ANK3: variants seen among roughly 807,000 people sequenced by gnomAD.
ANK3 encodes the protein ankyrin-3.
In ANK3, 57 loss-of-function variants were observed where a neutral mutation model predicts 370.9. The ratio of observed to expected loss-of-function variants is 0.15; its 90% CI spans 0.12 to 0.19. ANK3 has a LOEUF of 0.19. ANK3 is among the 10% of genes least tolerant of loss of function. ANK3 has a pLI of 1.00. For synonymous variants in ANK3, 1,929 were observed against 1,946.3 expected (o/e 0.99, Z 0.23); for missense variants, 4,439 against 5,302.1 (o/e 0.84, Z 5.06).
intron 7 of ANK3, among the ~76,000 whole-genome samples, chr10:60,249,272 G>A (rs988819267): frequency 2.0e-5 from 3 of 152,200 alleles, no homozygotes; most frequent in Non-Finnish European, 4.4e-5. Context: ...TTTAGAATAT[G>A]TTGATCTAAT....
At chr10:60,380,726 G>A (rs1225840083) in intron 1 of ANK3, among the ~76,000 whole-genome samples, 1 of 152,116 alleles carries the variant, frequency 6.6e-6, no homozygotes, top group Non-Finnish European at 1.5e-5. Flanking sequence ...AAAAATCACA[G>A]AGGGTCTATG....
rs751063814 is a variant in ANK3, at chr10:60,070,966, A to C, written c.9915T>G (p.Pro3305=). Residue 3305 remains proline, a synonymous_variant, in exon 37 of 44, where the codon CCT becomes CCG. Transcript: ENST00000280772. This position sits in a 1 kb window ranked among gnomAD's most constrained non-coding sequence, Gnocchi z 5.7. Reference sequence around the variant, plus strand: ...CGTCTGCCCCGGGAGGAACTGGTGAAGGTGGCTGCACTCTAATGACAGGTT... The same window carrying C: ...CGTCTGCCCCGGGAGGAACTGGTGACGGTGGCTGCACTCTAATGACAGGTT... ...LAEPVIRVQP[P]SPVPPGADVS... 6.8e-6 allele frequency: 11 copies of C among 1,614,022 alleles called. No individual in the cohort carries two copies. Among genetic ancestry groups the C allele is most frequent in the Non-Finnish European group, 6.8e-6 (8 of 1,180,028 alleles).
intron 7 of ANK3, among the ~76,000 whole-genome samples, chr10:60,250,515 C>A (rs1327431330): frequency 6.6e-6 from 1 of 152,150 alleles, no homozygotes; most frequent in Non-Finnish European, 1.5e-5. Flanking sequence ...CAGGTGCCTG[C>A]CACCACGCCC....
Position 60,614,667 on chromosome 10 carries a change from A to G in ANK3, c.96+519T>C, listed in dbSNP as rs151223123. 4.2e-3 allele frequency among the ~76,000 whole-genome samples: 644 copies of G among 152,360 alleles called. 5 individuals carry two copies. The highest frequency in any genetic ancestry group is 0.015 in the African/African-American group (604 of 41,582). ...GAATATCCTTCAAGGTTAGACAGAC[A>G]TATCAGGTTACCATAGCTAAAGCTC... is the stretch of plus-strand genomic sequence containing the variant. On this transcript the variant is annotated intron_variant, in intron 2 of 43. Coordinates refer to the ANK3 transcript ENST00000373827.
chr10:60,378,591 G>A (rs2061123922), intron 1 of ANK3, among the ~76,000 whole-genome samples: 1 of 152,042 alleles, frequency 6.6e-6, no homozygotes, highest in Non-Finnish European at 1.5e-5. Context: ...AACGCTCATT[G>A]GGGAAAGGAG....
At chr10:60,330,829 C>A (rs150026129) in intron 1 of ANK3, among the ~76,000 whole-genome samples, 2 of 152,070 alleles carry the variant, frequency 1.3e-5, no homozygotes, top group Non-Finnish European at 2.9e-5. Context: ...ATGTTTATTG[C>A]GGCACTGTTC....
chr10:60,034,508 G>A (rs572688514), intron 43 of ANK3, among the ~76,000 whole-genome samples: 1 of 152,296 alleles, frequency 6.6e-6, no homozygotes, highest in African/African-American at 2.4e-5. Context: ...ACTACAAATT[G>A]TTTTCCAACT....
At chr10:60,301,072 T>C (rs1290050194) in intron 1 of ANK3, among the ~76,000 whole-genome samples, 3 of 150,376 alleles carry the variant, frequency 2.0e-5, no homozygotes, top group Non-Finnish European at 1.5e-5. Flanking sequence ...GCCAAACTCA[T>C]GTGTATAACC....
intron 16 of ANK3, among the ~76,000 whole-genome samples, chr10:60,190,419 AAAAC>A (rs143933936): frequency 4.2e-4 from 64 of 152,304 alleles, no homozygotes; most frequent in African/African-American, 1.4e-3. Flanking sequence ...TTTCTTAGTG[AAAAC>A]AAACAAACAA....
At chr10:60,098,865 C>T (rs190398314) in intron 28 of ANK3, among the ~76,000 whole-genome samples, 16 of 152,140 alleles carry the variant, frequency 1.1e-4, no homozygotes, top group Middle Eastern at 6.8e-3. Context: ...TAGATTTGCA[C>T]GTGTAATAAG....
At chr10:60,386,821 G>A (rs2062408560) in intron 1 of ANK3, among the ~76,000 whole-genome samples, 2 of 152,030 alleles carry the variant, frequency 1.3e-5, no homozygotes, top group Admixed American at 1.3e-4. Flanking sequence ...TACTCTTTAG[G>A]ATTTTCCCAA....
chr10:60,174,725 A>G (rs1176611270), intron 18 of ANK3, among the ~76,000 whole-genome samples: 2 of 152,132 alleles, frequency 1.3e-5, no homozygotes, highest in Non-Finnish European at 2.9e-5. Context: ...AGGTATATAT[A>G]GTTGAGACAG....
intron 2 of ANK3, among the ~76,000 whole-genome samples, chr10:60,467,575 C>T (rs1420778380): frequency 6.6e-6 from 1 of 152,096 alleles, no homozygotes; most frequent in East Asian, 1.9e-4. Flanking sequence ...CAGGCTGGCA[C>T]TATTAATCTT....
intron 9 of ANK3, among the ~76,000 whole-genome samples, chr10:60,211,892 C>CAAAAAAAAAAAAAAAAAAAAGAA (rs2096860910): frequency 1.1e-5 from 1 of 93,400 alleles, no homozygotes; most frequent in African/African-American, 4.8e-5. Flanking sequence ...AATACAGAGC[C>CAAAAAAAAAAAAAAAAAAAAGAA]AAAAAAAAAA....
chr10:60,261,762 C>T (rs2097808658), intron 7 of ANK3, 97 bp downstream of exon 7: 21 of 1,046,666 alleles, frequency 2.0e-5, no homozygotes, highest in Non-Finnish European at 3.0e-5. Context: ...TGGAAGGACT[C>T]TTGGAGAAAA....
At chr10:60,032,194 C>CT (rs552219776) in intron 43 of ANK3, among the ~76,000 whole-genome samples, 4,676 of 42,870 alleles carry the variant, frequency 0.11, 1,264 homozygotes, top group South Asian at 0.17. Context: ...TACACAGCTT[C>CT]TTTTTTTTTT....
intron 1 of ANK3, among the ~76,000 whole-genome samples, chr10:60,327,654 G>A (rs767006456): frequency 6.6e-6 from 1 of 152,166 alleles, no homozygotes; most frequent in Non-Finnish European, 1.5e-5. Context: ...ACTAGTAGAC[G>A]TTCCTCACTC....
At chr10:60,430,251 T>A (rs1469624007) in intron 2 of ANK3, among the ~76,000 whole-genome samples, 1 of 152,206 alleles carries the variant, frequency 6.6e-6, no homozygotes, top group Non-Finnish European at 1.5e-5. Flanking sequence ...GAGGGAGAAC[T>A]GGAATGTTTA....
chr10:60,376,902 A>T (rs2060859910), intron 1 of ANK3, among the ~76,000 whole-genome samples: 1 of 152,236 alleles, frequency 6.6e-6, no homozygotes, highest in African/African-American at 2.4e-5. Flanking sequence ...GATGGAATAA[A>T]TGTGCATAAC....
Sources: allele counts gnomAD v4.1 joint callset (sites outside exome capture counted in the v4.1 genomes callset), GRCh38; gene constraint gnomAD v4.1.1; non-coding constraint Gnocchi (gnomAD v3.1); transcripts MANE v1.5; gene names NCBI Gene and HGNC (gene_info 2026-07-23, HGNC 2026-07-21).